SH2D4B: variants seen among roughly 807,000 people sequenced by gnomAD.
SH2D4B encodes SH2 domain containing 4B, also known as SH2 domain-containing protein 4B.
SH2D4B carries 45 observed loss-of-function variants against 61.5 expected under a neutral mutation model. That is an observed-to-expected ratio of 0.73 (90% CI 0.58 to 0.94). The LOEUF is 0.94. Among genes scored for constraint, SH2D4B ranks in the 40% least tolerant of loss-of-function variants. The pLI is 0.00. For synonymous variants in SH2D4B, 224 were observed against 220.4 expected, an observed-to-expected ratio of 1.02 and a Z score of -0.14; for missense variants, 572 against 574.2, an observed-to-expected ratio of 1.00 and a Z score of 0.04.
intron 7 of SH2D4B, among the ~76,000 whole-genome samples, chr10:80,639,786 G>A (rs950589895): frequency 6.6e-6 from 1 of 152,142 alleles, no homozygotes; most frequent in East Asian, 1.9e-4. Flanking sequence ...TACATTTAAG[G>A]TTAATATTGT....
chr10:80,576,098 G>T lies in SH2D4B; in HGVS notation c.495+4520G>T, dbSNP rs199503641. ...GGCTCTGTGGAGCTGGAGTCCTGGGGCTCAGCTCACAAGGAGATCATGAAG... is the reference window on the plus strand; with the variant it reads ...GGCTCTGTGGAGCTGGAGTCCTGGGTCTCAGCTCACAAGGAGATCATGAAG... On this transcript the variant is annotated intron_variant, in intron 3 of 7. Coordinates refer to ENST00000646907, the MANE Select transcript of SH2D4B (RefSeq NM_001388272.1). Among the ~76,000 whole-genome samples, 9 of 152,330 alleles carry T rather than the reference G, an allele frequency of 5.9e-5. No individual in the cohort carries two copies. The East Asian group carries it at 1.5e-3, about 26-fold the overall frequency.
At chr10:80,633,670 G>A (rs1842859289) in intron 6 of SH2D4B, among the ~76,000 whole-genome samples, 2 of 152,234 alleles carry the variant, frequency 1.3e-5, no homozygotes, top group African/African-American at 4.8e-5. Flanking sequence ...TCCAAATTGT[G>A]ATGAAACTGC....
chr10:80,555,577 G>A (rs1841823094), intron 1 of SH2D4B, among the ~76,000 whole-genome samples: 1 of 152,178 alleles, frequency 6.6e-6, no homozygotes, highest in African/African-American at 2.4e-5. Context: ...TAGCTCTGGT[G>A]CATACCTGTG....
intron 1 of SH2D4B, among the ~76,000 whole-genome samples, chr10:80,555,563 G>T (rs1841822949): frequency 6.6e-6 from 1 of 152,098 alleles, no homozygotes; most frequent in Admixed American, 6.5e-5. Context: ...GAGTCTGATT[G>T]GTCTAGCTCT....
chr10:80,621,028 A>G (rs1452854805), intron 6 of SH2D4B, among the ~76,000 whole-genome samples: 1 of 152,252 alleles, frequency 6.6e-6, no homozygotes, highest in African/African-American at 2.4e-5. Context: ...TGTTTCTTGC[A>G]TAAATTATAC....
chr10:80,583,990 C>A (rs1842214679), intron 3 of SH2D4B, among the ~76,000 whole-genome samples: 1 of 152,138 alleles, frequency 6.6e-6, no homozygotes, highest in African/African-American at 2.4e-5. Flanking sequence ...ATGCCTTGTG[C>A]AGAAGAATGA....
intron 4 of SH2D4B, among the ~76,000 whole-genome samples, chr10:80,601,881 G>A (rs760897896): frequency 1.3e-5 from 2 of 152,196 alleles, no homozygotes; most frequent in Non-Finnish European, 2.9e-5. Context: ...ACTCTGAGAA[G>A]AGAAGGTGAC....
intron 2 of SH2D4B, 94 bp downstream of exon 2, chr10:80,570,410 G>A: frequency 1.4e-6 from 2 of 1,443,618 alleles, no homozygotes; most frequent in Non-Finnish European, 1.9e-6. Context: ...AGTAGAGATG[G>A]AGTTCCATCA....
At chr10:80,603,312 G>A (rs1024351041) in intron 4 of SH2D4B, among the ~76,000 whole-genome samples, 1 of 152,138 alleles carries the variant, frequency 6.6e-6, no homozygotes, top group Non-Finnish European at 1.5e-5. Context: ...AACCGTCAGG[G>A]TATCTTTACC....
intron 7 of SH2D4B, among the ~76,000 whole-genome samples, chr10:80,641,993 A>G (rs1474321730): frequency 6.6e-6 from 1 of 152,228 alleles, no homozygotes; most frequent in East Asian, 1.9e-4. Flanking sequence ...CTCTACTTTG[A>G]TTATCAATTT....
At chr10:80,604,220 C>T (rs1842489264) in intron 5 of SH2D4B, among the ~76,000 whole-genome samples, 2 of 152,182 alleles carry the variant, frequency 1.3e-5, no homozygotes, top group Admixed American at 6.5e-5. Flanking sequence ...GAGCCCCAGG[C>T]AAGCCAGTTT....
chr10:80,579,307 A>T (rs1235635079), intron 3 of SH2D4B, among the ~76,000 whole-genome samples: 1 of 152,218 alleles, frequency 6.6e-6, no homozygotes, highest in Non-Finnish European at 1.5e-5. Flanking sequence ...GGAACTCTGA[A>T]GATGAGACAG....
chr10:80,616,389 A>G (rs1046972045), intron 6 of SH2D4B, among the ~76,000 whole-genome samples: 1 of 152,178 alleles, frequency 6.6e-6, no homozygotes, highest in Non-Finnish European at 1.5e-5. Context: ...AGCGGTTCCA[A>G]CTGAAAAATA....
In SH2D4B at chr10:80,538,217, C is replaced by A; in HGVS notation, c.-115C>A. The A allele has an allele frequency of 1.1e-6, 1 of 872,946 alleles. No individual in the cohort carries two copies. The highest frequency in any genetic ancestry group is 1.6e-6 in the Non-Finnish European group (1 of 644,886). 54.1% of individuals were successfully genotyped at this position (872,946 alleles called of 1,614,324 possible). A position where few individuals can be genotyped will look rare whatever the true frequency, so the allele number is the denominator to read the frequency against. Reference sequence around the variant, plus strand: ...GACAATGCTGCACAGAGAAGGGGCACCGAGAGTGGCCCCGGATTGAGCAGT... The same window carrying A: ...GACAATGCTGCACAGAGAAGGGGCAACGAGAGTGGCCCCGGATTGAGCAGT... On this transcript the variant is annotated 5_prime_UTR_variant, in exon 1 of 8. Coordinates refer to ENST00000646907, the MANE Select transcript of SH2D4B (RefSeq NM_001388272.1). This position sits in a 1 kb window ranked among gnomAD's most constrained non-coding sequence, Gnocchi z 4.8.
intron 4 of SH2D4B, among the ~76,000 whole-genome samples, chr10:80,602,887 G>A (rs907875752): frequency 2.0e-5 from 3 of 152,112 alleles, no homozygotes; most frequent in South Asian, 4.1e-4. Context: ...GTGGGACCAC[G>A]GGGTGGAAAG....
At chr10:80,593,620 A>G (rs1483084477) in intron 4 of SH2D4B, among the ~76,000 whole-genome samples, 1 of 152,174 alleles carries the variant, frequency 6.6e-6, no homozygotes, top group Non-Finnish European at 1.5e-5. Flanking sequence ...GATTTTCTAC[A>G]TACAAGATAA....
chr10:80,566,357 GTGA>G (rs1841969325), intron 1 of SH2D4B, among the ~76,000 whole-genome samples: 1 of 148,906 alleles, frequency 6.7e-6, no homozygotes. Flanking sequence ...GTGCAGTGGC[GTGA>G]TCTTGGCTCA....
chr10:80,584,907 T>C (rs1325891641), intron 3 of SH2D4B, among the ~76,000 whole-genome samples: 2 of 152,230 alleles, frequency 1.3e-5, no homozygotes, highest in Non-Finnish European at 2.9e-5. Flanking sequence ...ATCAGACACA[T>C]GGACGTAGCC....
At chr10:80,618,278 A>G (rs189111630) in intron 6 of SH2D4B, among the ~76,000 whole-genome samples, 1 of 152,350 alleles carries the variant, frequency 6.6e-6, no homozygotes, top group Non-Finnish European at 1.5e-5. Context: ...GGATCTTGCC[A>G]TAGCCAGTTT....
Sources: allele counts gnomAD v4.1 joint callset (sites outside exome capture counted in the v4.1 genomes callset), GRCh38; gene constraint gnomAD v4.1.1; non-coding constraint Gnocchi (gnomAD v3.1); transcripts MANE v1.5; gene names NCBI Gene and HGNC (gene_info 2026-07-23, HGNC 2026-07-21).